Variants in CADPS observed in about 807,000 individuals in gnomAD.
CADPS encodes calcium dependent secretion activator.
Under a neutral mutation model 167.3 loss-of-function variants are expected in CADPS, and 57 were observed. The observed-to-expected ratio is 0.34, with a 90% CI of 0.28 to 0.42. The LOEUF (loss-of-function observed/expected upper bound fraction) is 0.42. CADPS is among the 20% of genes least tolerant of loss of function. CADPS has a pLI of 1.00. For missense variants in CADPS, 1,414 were observed against 1,738.1 expected (o/e 0.81, Z 3.32); for synonymous variants, 676 against 635.3 (o/e 1.06, Z -0.96).
chr3:62,569,576 T>C (rs967696357), intron 9 of CADPS, among the ~76,000 whole-genome samples: 13 of 152,232 alleles, frequency 8.5e-5, no homozygotes, highest in East Asian at 3.8e-4. Context: ...AGTAGATCTA[T>C]AGACAGTCTA....
intron 6 of CADPS, among the ~76,000 whole-genome samples, chr3:62,615,138 T>A (rs948482799): frequency 4.6e-5 from 7 of 152,102 alleles, no homozygotes; most frequent in African/African-American, 1.7e-4. Context: ...GGATGATGGA[T>A]GTGGTATTGA....
In CADPS at chr3:62,598,121, A is replaced by C. The variant is rs189054714; in HGVS notation, c.1326-5373T>G. ...TCGTTCCATGGGATGTCACAAACAC[A>C]AGCTCGAAGATAAAATTATTAAGAA... On this transcript the variant is annotated intron_variant, in intron 6 of 29. Coordinates refer to ENST00000383710, the MANE Select transcript of CADPS (RefSeq NM_003716.4). 7.2e-5 allele frequency among the ~76,000 whole-genome samples: 11 copies of C among 152,278 alleles called. No homozygotes were observed. In the East Asian group the frequency reaches 1.9e-3, roughly 27 times the overall value.
intron 3 of CADPS, among the ~76,000 whole-genome samples, chr3:62,730,399 T>C (rs866145692): frequency 1.4e-4 from 21 of 152,318 alleles, no homozygotes; most frequent in Admixed American, 7.8e-4. Context: ...AACATCGAAT[T>C]ATCCAGCTGA....
At chr3:62,868,709 A>G (rs1477781012) in intron 1 of CADPS, among the ~76,000 whole-genome samples, 1 of 152,140 alleles carries the variant, frequency 6.6e-6, no homozygotes, top group Non-Finnish European at 1.5e-5. Flanking sequence ...AATGAAATCT[A>G]ACTTCATCTC....
chr3:62,503,688 T>A (rs938956313), intron 17 of CADPS, among the ~76,000 whole-genome samples: 8 of 152,254 alleles, frequency 5.3e-5, no homozygotes, highest in African/African-American at 1.9e-4. Context: ...TTGAATCATA[T>A]ATAAAAACTT....
chr3:62,458,919 G>C lies in CADPS; in HGVS notation c.3636+6448C>G, dbSNP rs1044355015. ...AATATTAAGTGAAATAGTTAACTTT[G>C]GATACTTATCTTTTCTCTTCTGTAA... On this transcript the variant is annotated intron_variant, in intron 26 of 29. Coordinates refer to ENST00000383710, the MANE Select transcript of CADPS (RefSeq NM_003716.4). The surrounding 1 kb of genome is among the most constrained non-coding windows in gnomAD (Gnocchi z 4.6). Among the ~76,000 whole-genome samples the C allele has an allele frequency of 3.9e-5, 6 of 152,140 alleles. No individual in the cohort carries two copies. The highest frequency in any genetic ancestry group is 7.4e-5 in the Non-Finnish European group (5 of 68,024).
intron 3 of CADPS, among the ~76,000 whole-genome samples, chr3:62,738,728 AAAAAT>A: frequency 6.6e-6 from 1 of 152,332 alleles, no homozygotes; most frequent in African/African-American, 2.4e-5. Context: ...CTCCGTCTCA[AAAAAT>A]AAAATAAAAT....
intron 9 of CADPS, among the ~76,000 whole-genome samples, chr3:62,558,325 C>T (rs2078548844): frequency 6.6e-6 from 1 of 152,232 alleles, no homozygotes; most frequent in African/African-American, 2.4e-5. Flanking sequence ...GCAGGCCCGC[C>T]TTCAGGACCC....
intron 16 of CADPS, among the ~76,000 whole-genome samples, chr3:62,515,270 C>T (rs1577075757): frequency 1.3e-5 from 2 of 152,078 alleles, no homozygotes; most frequent in African/African-American, 4.8e-5. Context: ...AGAACTTCCA[C>T]ATTTATACAC....
At chr3:62,751,302 G>T (rs867286690) in intron 3 of CADPS, among the ~76,000 whole-genome samples, 3 of 152,202 alleles carry the variant, frequency 2.0e-5, no homozygotes, top group Middle Eastern at 3.4e-3. Flanking sequence ...GTGTATTTTT[G>T]TATGTATAAA....
Position 62,870,110 on chromosome 3 carries a change from C to T in CADPS, c.441+4479G>A, listed in dbSNP as rs144925023. The stretch of plus-strand genomic sequence containing the variant: ...AGTCTCTGCTATCAGTGCATAACAG[C>T]GGCTTCCCAATGTACCAAGGAAAAT... On this transcript the variant is annotated intron_variant, in intron 1 of 29. Transcript: ENST00000383710. Among the ~76,000 whole-genome samples the T allele has an allele frequency of 5.0e-3, 760 of 152,200 alleles. 3 individuals carry two copies. The highest frequency in any genetic ancestry group is 0.016 in the African/African-American group (683 of 41,534).
intron 9 of CADPS, among the ~76,000 whole-genome samples, chr3:62,563,113 T>C (rs973188727): frequency 1.3e-5 from 2 of 152,222 alleles, no homozygotes; most frequent in African/African-American, 4.8e-5. Flanking sequence ...GTTTAATTAG[T>C]TAACCAATAC....
At chr3:62,833,606 G>T (rs113041728) in intron 1 of CADPS, among the ~76,000 whole-genome samples, 7 of 152,000 alleles carry the variant, frequency 4.6e-5, no homozygotes, top group Non-Finnish European at 8.8e-5. Context: ...GTTTACACTG[G>T]TATAATATAG....
intron 3 of CADPS, among the ~76,000 whole-genome samples, chr3:62,694,284 T>G (rs2079847651): frequency 6.6e-6 from 1 of 152,176 alleles, no homozygotes; most frequent in Non-Finnish European, 1.5e-5. Context: ...TATGTTTAAC[T>G]GAATTCTGTG....
chr3:62,466,691 T>A (rs2059974566), intron 24 of CADPS: 3 of 434,188 alleles, frequency 6.9e-6, no homozygotes, highest in African/African-American at 6.0e-5. Context: ...ATAGCACACA[T>A]GAATGACTTA....
intron 1 of CADPS, among the ~76,000 whole-genome samples, chr3:62,852,486 C>T (rs959650475): frequency 1.3e-5 from 2 of 152,012 alleles, no homozygotes; most frequent in African/African-American, 2.4e-5. Flanking sequence ...TTCCTTTGCC[C>T]GGTGTCAAGT....
Position 62,683,338 on chromosome 3 carries a change from G to T in CADPS, c.889-20944C>A, listed in dbSNP as rs116789347. Among the ~76,000 whole-genome samples the T allele has an allele frequency of 4.2e-3, 634 of 152,114 alleles. 9 individuals carry two copies. The highest frequency in any genetic ancestry group is 0.014 in the African/African-American group (579 of 41,486). On this transcript the variant is annotated intron_variant, in intron 3 of 29. Transcript: ENST00000383710. ...AAGGGTGAATACAGCTATTGCCAAT[G>T]GTGGCCAAACCGACTAAATATACCA...
At chr3:62,869,342 A>G (rs966385960) in intron 1 of CADPS, among the ~76,000 whole-genome samples, 2 of 151,838 alleles carry the variant, frequency 1.3e-5, no homozygotes, top group Non-Finnish European at 2.9e-5. Context: ...AAGTCACTCA[A>G]CCTCTTTTTT....
intron 3 of CADPS, among the ~76,000 whole-genome samples, chr3:62,677,571 G>C (rs2076522094): frequency 6.6e-6 from 1 of 152,072 alleles, no homozygotes; most frequent in Non-Finnish European, 1.5e-5. Context: ...CAATGCACAA[G>C]ACAGCCCCTG....
Sources: gnomAD v4.1 joint callset for allele counts (sites outside exome capture counted in the v4.1 genomes callset) on GRCh38, gnomAD v4.1.1 for gene constraint, Gnocchi (gnomAD v3.1) non-coding constraint, MANE v1.5 for transcripts, NCBI Gene and HGNC (gene_info 2026-07-23, HGNC 2026-07-21) for gene names.